KSR2: variants seen among roughly 807,000 people sequenced by gnomAD.
The protein encoded by KSR2 is kinase suppressor of ras 2.
A neutral mutation model predicts 107.8 loss-of-function variants in KSR2; 25 were observed. The observed-to-expected ratio is 0.23, with a 90% confidence interval of 0.17 to 0.32. The LOEUF (loss-of-function observed/expected upper bound fraction) is 0.32. KSR2 is among the 10% of genes least tolerant of loss of function. KSR2 has a pLI of 1.00. For missense variants in KSR2, 887 were observed against 1,268.9 expected, an observed-to-expected ratio of 0.70 and a Z score of 4.57; for synonymous variants, 480 against 507.0, an observed-to-expected ratio of 0.95 and a Z score of 0.71.
intron 5 of KSR2, among the ~76,000 whole-genome samples, chr12:117,667,107 G>C (rs1186080556): frequency 6.6e-6 from 1 of 152,160 alleles, no homozygotes; most frequent in African/African-American, 2.4e-5. Context: ...CCTGTAATCA[G>C]GCAGCTGAGA....
At chr12:117,785,625 C>A (rs559806176) in intron 3 of KSR2, among the ~76,000 whole-genome samples, 1 of 151,956 alleles carries the variant, frequency 6.6e-6, no homozygotes, top group Admixed American at 6.6e-5. Flanking sequence ...ATTTTGGAAT[C>A]GAAAAATACA....
intron 4 of KSR2, among the ~76,000 whole-genome samples, chr12:117,749,905 C>A (rs1888549782): frequency 6.6e-6 from 1 of 152,004 alleles, no homozygotes; most frequent in African/African-American, 2.4e-5. Flanking sequence ...GGCCTAGAAT[C>A]CAGGATGGGG....
At chr12:117,581,258 C>T (rs11611561) in intron 6 of KSR2, among the ~76,000 whole-genome samples, 60,375 of 151,980 alleles carry the variant, frequency 0.4, 13,732 homozygotes, top group East Asian at 0.57. Flanking sequence ...TGATATCACC[C>T]CACCTTGTCA....
At chr12:117,590,360 G>C (rs890380507) in intron 5 of KSR2, among the ~76,000 whole-genome samples, 1 of 152,174 alleles carries the variant, frequency 6.6e-6, no homozygotes, top group Admixed American at 6.5e-5. Flanking sequence ...GGGCTTTGAC[G>C]TGAGCACACC....
chr12:117,945,283 G>A (rs1785117369), intron 1 of KSR2, among the ~76,000 whole-genome samples: 1 of 152,174 alleles, frequency 6.6e-6, no homozygotes, highest in Non-Finnish European at 1.5e-5. Flanking sequence ...AAGCACACAT[G>A]GAACATTCAC....
At chr12:117,865,914 G>A (rs995111254) in intron 1 of KSR2, among the ~76,000 whole-genome samples, 5 of 152,002 alleles carry the variant, frequency 3.3e-5, no homozygotes, top group African/African-American at 7.3e-5. Context: ...ATAGCATAGC[G>A]AGCACTTTCT....
chr12:117,673,684 G>C (rs1885007344), intron 4 of KSR2, among the ~76,000 whole-genome samples: 1 of 152,082 alleles, frequency 6.6e-6, no homozygotes, highest in African/African-American at 2.4e-5. Flanking sequence ...GCATGGTCAG[G>C]GGGAAAAAAC....
chr12:117,960,507 G>A (rs1024168503), intron 1 of KSR2, among the ~76,000 whole-genome samples: 2 of 152,140 alleles, frequency 1.3e-5, no homozygotes, highest in African/African-American at 2.4e-5. Flanking sequence ...AAAAGCCATG[G>A]AGCAGAGAAG....
At chr12:117,613,879 T>C (rs572636616) in intron 5 of KSR2, among the ~76,000 whole-genome samples, 6 of 152,278 alleles carry the variant, frequency 3.9e-5, no homozygotes, top group Admixed American at 2.6e-4. Context: ...TCACTTTCCA[T>C]GCCCTTGAAT....
At chr12:117,536,154 A>G (rs1876040467) in intron 10 of KSR2, among the ~76,000 whole-genome samples, 1 of 152,218 alleles carries the variant, frequency 6.6e-6, no homozygotes, top group Non-Finnish European at 1.5e-5. Context: ...CTTTTGGACA[A>G]GAATGTTCTA....
intron 5 of KSR2, among the ~76,000 whole-genome samples, chr12:117,641,374 T>C (rs1883349280): frequency 1.3e-5 from 2 of 152,162 alleles, no homozygotes; most frequent in Admixed American, 1.3e-4. Flanking sequence ...TAGAAGTTTT[T>C]ATTTTTCAAG....
At position 117,842,431 on chromosome 12, in the gene KSR2, A is replaced by C. The variant is rs1892528032; in HGVS notation, c.472+12997T>G. On this transcript the variant is annotated intron_variant, in intron 3 of 19. Transcript: ENST00000339824. This position sits in a 1 kb window ranked among gnomAD's most constrained non-coding sequence, Gnocchi z 4.2. ...GAAGAGAGGGTAGCTGGGTGCAATG[A>C]GCCAGTGAAAACATCAGCAGATAGG... Among the ~76,000 whole-genome samples, 1 of 152,160 alleles carries C rather than the reference A, an allele frequency of 6.6e-6. No individual in the cohort carries two copies. Among genetic ancestry groups the C allele is most frequent in the South Asian group, 2.1e-4 (1 of 4,834 alleles).
intron 1 of KSR2, among the ~76,000 whole-genome samples, chr12:117,942,802 T>C (rs1021462205): frequency 6.6e-6 from 1 of 152,096 alleles, no homozygotes; most frequent in Non-Finnish European, 1.5e-5. Flanking sequence ...ACCCAGCCTA[T>C]ATTTCTTAAA....
chr12:117,515,826 T>C (rs1874337009), intron 14 of KSR2, among the ~76,000 whole-genome samples: 1 of 152,182 alleles, frequency 6.6e-6, no homozygotes, highest in Admixed American at 6.5e-5. Context: ...CTGGGGAGGC[T>C]AAGGCAGGAG....
At chr12:117,476,402 A>C in intron 17 of KSR2, 62 bp downstream of exon 17, 1 of 1,490,768 alleles carries the variant, frequency 6.7e-7, no homozygotes, top group Non-Finnish European at 9.0e-7. Flanking sequence ...GCACTGAAAG[A>C]CTTGAGAAGT....
At chr12:117,816,526 G>T (rs1205696168) in intron 3 of KSR2, among the ~76,000 whole-genome samples, 5 of 152,172 alleles carry the variant, frequency 3.3e-5, no homozygotes, top group Admixed American at 2.0e-4. Context: ...CTGTGACCTG[G>T]CTTTGTCTTT....
intron 5 of KSR2, among the ~76,000 whole-genome samples, chr12:117,655,659 C>T (rs189403210): frequency 2.7e-4 from 41 of 152,204 alleles, no homozygotes; most frequent in East Asian, 5.8e-4. Context: ...GAGGGAGGAA[C>T]GCTGCCACCA....
intron 5 of KSR2, among the ~76,000 whole-genome samples, chr12:117,589,305 A>C (rs555637523): frequency 2.6e-5 from 4 of 152,362 alleles, no homozygotes; most frequent in African/African-American, 9.6e-5. Flanking sequence ...ACATAATATT[A>C]TTAAAAATAA....
At chr12:117,878,588 G>A (rs910288808) in intron 1 of KSR2, among the ~76,000 whole-genome samples, 2 of 152,166 alleles carry the variant, frequency 1.3e-5, no homozygotes, top group African/African-American at 4.8e-5. Flanking sequence ...ACTGCTGGGG[G>A]TACTGAGAGC....
Sources: gnomAD v4.1 joint callset for allele counts (sites outside exome capture counted in the v4.1 genomes callset) on GRCh38, gnomAD v4.1.1 for gene constraint, Gnocchi (gnomAD v3.1) non-coding constraint, MANE v1.5 for transcripts, NCBI Gene and HGNC (gene_info 2026-07-23, HGNC 2026-07-21) for gene names.